Variants in CHST8 observed in about 807,000 individuals in gnomAD.
CHST8 encodes carbohydrate sulfotransferase 8.
Under a neutral mutation model 15.0 loss-of-function variants are expected in CHST8, and 10 were observed. The observed-to-expected ratio is 0.67, with a 90% CI of 0.41 to 1.13. The LOEUF (loss-of-function observed/expected upper bound fraction) is 1.13. Among genes scored for constraint, CHST8 ranks in the 50% most tolerant of loss-of-function variants. CHST8 has a pLI of 0.00. For synonymous variants in CHST8, 259 were observed against 256.6 expected, an observed-to-expected ratio of 1.01 and a Z score of -0.09; for missense variants, 634 against 608.2, an observed-to-expected ratio of 1.04 and a Z score of -0.45.
intron 3 of CHST8, among the ~76,000 whole-genome samples, chr19:33,765,270 G>A (rs921829386): frequency 5.9e-5 from 9 of 152,000 alleles, no homozygotes; most frequent in South Asian, 4.2e-4. Flanking sequence ...TGGAAGAGTC[G>A]AGGAAGCATC....
chr19:33,652,800 C>T (rs965209051), intron 1 of CHST8, among the ~76,000 whole-genome samples: 3 of 152,088 alleles, frequency 2.0e-5, no homozygotes, highest in Admixed American at 1.3e-4. Flanking sequence ...TTGTTTTAGT[C>T]CGTCTGCTGG....
At chr19:33,737,998 T>C (rs1024794534) in intron 3 of CHST8, among the ~76,000 whole-genome samples, 2 of 152,236 alleles carry the variant, frequency 1.3e-5, no homozygotes, top group Middle Eastern at 3.4e-3. Flanking sequence ...GCTGAGAAAA[T>C]AGATGTGTGC....
chr19:33,679,422 A>G (rs769694125), intron 2 of CHST8, among the ~76,000 whole-genome samples: 28 of 152,140 alleles, frequency 1.8e-4, no homozygotes, highest in Non-Finnish European at 3.8e-4. Context: ...AACCCAAATA[A>G]TTCATGTTCC....
In CHST8 at chr19:33,738,848, C is replaced by T. The variant is rs1974133214; in HGVS notation, c.131-32565C>T. On this transcript the variant is annotated intron_variant, in intron 3 of 4. Coordinates refer to ENST00000650847, the MANE Select transcript of CHST8 (RefSeq NM_001127895.2). Reference sequence around the variant, plus strand: ...TGGGTGATCCACCCCTCTCGGCCTCCCAAAGTGCTGGGATTACAGGCATGA... The same window carrying T: ...TGGGTGATCCACCCCTCTCGGCCTCTCAAAGTGCTGGGATTACAGGCATGA... Among the ~76,000 whole-genome samples, 3 of 152,168 alleles carry T rather than the reference C, an allele frequency of 2.0e-5. 1 individual carries two copies. Among genetic ancestry groups the T allele is most frequent in the Non-Finnish European group, 4.4e-5 (3 of 68,036 alleles).
At chr19:33,732,547 A>G (rs535980810) in intron 3 of CHST8, among the ~76,000 whole-genome samples, 1 of 151,888 alleles carries the variant, frequency 6.6e-6, no homozygotes, top group Admixed American at 6.5e-5. Context: ...AATTTGTTTT[A>G]AAGATGCAGA....
At chr19:33,683,612 G>C (rs765262074) in intron 2 of CHST8, among the ~76,000 whole-genome samples, 39 of 152,138 alleles carry the variant, frequency 2.6e-4, no homozygotes, top group Non-Finnish European at 4.1e-4. Flanking sequence ...TAAAATTCCA[G>C]GTTCATGGAG....
At chr19:33,687,236 G>A (rs1600263269) in intron 2 of CHST8, among the ~76,000 whole-genome samples, 1 of 152,258 alleles carries the variant, frequency 6.6e-6, no homozygotes, top group African/African-American at 2.4e-5. Flanking sequence ...GGGGCTTACA[G>A]TGCTGCATCT....
chr19:33,717,234 G>A (rs284329), intron 3 of CHST8, among the ~76,000 whole-genome samples: 83,422 of 151,998 alleles, frequency 0.55, 23,380 homozygotes, highest in East Asian at 0.87. Flanking sequence ...GCCAAGGCAG[G>A]CAGATCACCT....
At chr19:33,707,546 C>T (rs1292882915) in intron 3 of CHST8, among the ~76,000 whole-genome samples, 3 of 152,190 alleles carry the variant, frequency 2.0e-5, no homozygotes, top group Non-Finnish European at 4.4e-5. Context: ...TTTCACTCTG[C>T]ATGATGGTTT....
intron 3 of CHST8, among the ~76,000 whole-genome samples, chr19:33,697,737 C>T (rs1973247873): frequency 1.3e-5 from 2 of 152,158 alleles, no homozygotes; most frequent in Admixed American, 6.5e-5. Flanking sequence ...TGTTGTGTTC[C>T]GGACCTGGAG....
intron 1 of CHST8, among the ~76,000 whole-genome samples, chr19:33,650,128 A>G (rs1207339465): frequency 6.6e-6 from 1 of 152,118 alleles, no homozygotes; most frequent in African/African-American, 2.4e-5. Flanking sequence ...TGTTGTGTCT[A>G]AACCACAAAA....
At position 33,771,459 on chromosome 19, in the gene CHST8, T is replaced by C. The variant is rs373322550; in HGVS notation, c.168+9T>C. 6 of 1,613,848 alleles carry C rather than the reference T, an allele frequency of 3.7e-6. No individual in the cohort carries two copies. The African/African-American group carries it at 8.0e-5, about 22-fold the overall frequency. On this transcript the variant is annotated intron_variant, in intron 4 of 4. Coordinates refer to ENST00000650847, the MANE Select transcript of CHST8 (RefSeq NM_001127895.2). The stretch of plus-strand genomic sequence containing the variant: ...CAAGGCAGCCCCACCACGTAAGTTC[T>C]GAGAGTCAGATAAATCTCAGTGCAC...
At chr19:33,737,389 G>A (rs1472932963) in intron 3 of CHST8, among the ~76,000 whole-genome samples, 1 of 152,198 alleles carries the variant, frequency 6.6e-6, no homozygotes, top group African/African-American at 2.4e-5. Flanking sequence ...CCCAGGTTCA[G>A]GGCCACTGAG....
intron 3 of CHST8, among the ~76,000 whole-genome samples, chr19:33,712,400 G>A (rs1046888951): frequency 6.6e-6 from 1 of 152,178 alleles, no homozygotes; most frequent in Non-Finnish European, 1.5e-5. Context: ...TGGGAGGCAG[G>A]CTTTGTAGTA....
chr19:33,716,538 G>A (rs1973668719), intron 3 of CHST8, among the ~76,000 whole-genome samples: 1 of 152,034 alleles, frequency 6.6e-6, no homozygotes, highest in African/African-American at 2.4e-5. Context: ...GGCTAATTTT[G>A]TTTCCTTTTT....
intron 2 of CHST8, among the ~76,000 whole-genome samples, chr19:33,685,354 C>CTT (rs113246634): frequency 1.2e-3 from 169 of 143,232 alleles, no homozygotes; most frequent in African/African-American, 2.6e-3. Context: ...TTAATTGGAT[C>CTT]TTTTTTTTTT....
chr19:33,722,278 G>A (rs866352880), intron 3 of CHST8, among the ~76,000 whole-genome samples: 1 of 151,758 alleles, frequency 6.6e-6, no homozygotes, highest in African/African-American at 2.4e-5. Flanking sequence ...TGAATGGATG[G>A]ATGGACAGAC....
intron 3 of CHST8, among the ~76,000 whole-genome samples, chr19:33,730,245 C>G (rs1412046433): frequency 6.6e-6 from 1 of 152,236 alleles, no homozygotes; most frequent in East Asian, 1.9e-4. Flanking sequence ...ATGACATGCT[C>G]TGCCTTCCCC....
At chr19:33,740,088 C>T (rs1401532365) in intron 3 of CHST8, among the ~76,000 whole-genome samples, 3 of 152,112 alleles carry the variant, frequency 2.0e-5, no homozygotes, top group Non-Finnish European at 2.9e-5. Context: ...AGGATGCCTG[C>T]AAGTTTTCCT....
Sources: allele counts gnomAD v4.1 joint callset (sites outside exome capture counted in the v4.1 genomes callset), GRCh38; gene constraint gnomAD v4.1.1; transcripts MANE v1.5; gene names NCBI Gene and HGNC (gene_info 2026-07-23, HGNC 2026-07-21).